The following SH2B2 variants were observed in gnomAD, a reference collection of about 807,000 sequenced individuals.
The protein encoded by SH2B2 is SH2B adapter protein 2.
SH2B2 carries 37 observed loss-of-function variants against 35.7 expected under a neutral mutation model. The ratio of observed to expected loss-of-function variants is 1.04; its 90% CI spans 0.80 to 1.36. The LOEUF (loss-of-function observed/expected upper bound fraction) is 1.36. Ranked by LOEUF, SH2B2 falls within the 40% of genes most tolerant of loss-of-function variation. The pLI is 0.00. For missense variants in SH2B2, 852 were observed against 817.7 expected (o/e 1.04, Z -0.51); for synonymous variants, 383 against 376.4 (o/e 1.02, Z -0.20).
intron 4 of SH2B2, 72 bp from the exon 5 acceptor site, chr7:102,314,264 G>C (rs1793731370): frequency 2.5e-6 from 1 of 398,452 alleles, no homozygotes. Flanking sequence ...CCACTGCCTG[G>C]CCACATAAGT....
chr7:102,294,553 A>C (rs1216960652), intron 1 of SH2B2, among the ~76,000 whole-genome samples: 6 of 152,064 alleles, frequency 3.9e-5, no homozygotes, highest in Non-Finnish European at 8.8e-5. Context: ...AGAGGTTGGG[A>C]GTGTGGTCAG....
intron 2 of SH2B2, among the ~76,000 whole-genome samples, chr7:102,302,681 TAC>T (rs1397665883): frequency 2.6e-5 from 4 of 152,188 alleles, no homozygotes; most frequent in African/African-American, 7.2e-5. Context: ...GTCCCCAGAT[TAC>T]AGAAGAGAGC....
chr7:102,318,257 G>C (rs1554557509), intron 7 of SH2B2, among the ~76,000 whole-genome samples: 1 of 152,118 alleles, frequency 6.6e-6, no homozygotes, highest in African/African-American at 2.4e-5. Flanking sequence ...TTGTGCCTCA[G>C]CCTCCCAAGT....
At chr7:102,303,871 G>C (rs35353447) in intron 2 of SH2B2, among the ~76,000 whole-genome samples, 1 of 150,326 alleles carries the variant, frequency 6.7e-6, no homozygotes, top group South Asian at 2.1e-4. Context: ...GCCCGCCCCC[G>C]CCCCACTCCA....
Position 102,321,402 on chromosome 7 carries a change from T to G in SH2B2, c.1671T>G (p.Pro557=), listed in dbSNP as rs1794073027. The part of the protein sequence containing the change: ...FSSLAAAACP[P]ASPSDAAGAS... ...GCCTCGCCGCGGCCGCCTGCCCGCCTGCCTCGCCCTCCGACGCCGCCGGCG... is the reference window on the plus strand; with the variant it reads ...GCCTCGCCGCGGCCGCCTGCCCGCCGGCCTCGCCCTCCGACGCCGCCGGCG... Residue 557 remains proline (P), a synonymous_variant, in exon 9 of 9, where the codon CCT becomes CCG. Transcript: ENST00000444095. The G allele has an allele frequency of 3.7e-6, 5 of 1,366,594 alleles. No individual in the cohort carries two copies. Among genetic ancestry groups the G allele is most frequent in the African/African-American group, 1.5e-5 (1 of 65,458 alleles). The allele number at this position is 1,366,594 out of a possible 1,614,324, so 84.7% of individuals were successfully genotyped here.
chr7:102,285,195 T>C (rs1366771892), upstream of SH2B2: 1 of 1,551,122 alleles, frequency 6.4e-7, no homozygotes, highest in Non-Finnish European at 8.7e-7. Context: ...TGGCTTCCCA[T>C]CTCAGGACCC....
intron 6 of SH2B2, among the ~76,000 whole-genome samples, chr7:102,314,972 T>A (rs1296355028): frequency 6.6e-6 from 1 of 151,844 alleles, no homozygotes; most frequent in Non-Finnish European, 1.5e-5. Context: ...GCGGATCACC[T>A]GAGGTCAGGA....
rs1290552626 is a variant in SH2B2, at chr7:102,301,204, G to A, written c.654G>A (p.Trp218Ter). The A allele has an allele frequency of 1.9e-6, 3 of 1,592,996 alleles. No individual in the cohort carries two copies. Among genetic ancestry groups the A allele is most frequent in the Non-Finnish European group, 2.6e-6 (3 of 1,171,518 alleles). The change falls in exon 2 of 9, where the codon TGG becomes TGA. Residue 218 changes from tryptophan (W) to a stop codon, truncating the protein, a stop_gained. Transcript: ENST00000444095. LOFTEE classifies it high-confidence loss of function. ...CGGGCTCCGGGGGCTCGGCTCAGTG[G>A]CAGAAGTGCCGCCTGCTCCTGCGCA... ...AAAGSGGSAQWQKCRLLLRRA... is the reference protein window; with the variant it reads ...AAAGSGGSAQ
At chr7:102,293,289 A>G (rs1586567065) in intron 1 of SH2B2, 1 of 123,996 alleles carries the variant, frequency 8.1e-6, no homozygotes, top group Middle Eastern at 3.9e-3. Context: ...TGCCGGCTGG[A>G]CCTACTGTCT....
At position 102,321,295 on chromosome 7, in the gene SH2B2, G is replaced by T. The variant is rs1554558424; in HGVS notation, c.1568-4G>T. The stretch of plus-strand genomic sequence containing the variant: ...ACTCACGCCCTGCCGTCGCCTTGTT[G>T]CAGAGCCGGGCCCCACGCCCCCTGC... On this transcript the variant is annotated splice_region_variant and splice_polypyrimidine_tract_variant and intron_variant, in intron 8 of 8. Transcript: ENST00000444095. 7.2e-7 allele frequency: 1 copy of T among 1,382,278 alleles called. No homozygotes were observed. The highest frequency in any genetic ancestry group is 9.3e-7 in the Non-Finnish European group (1 of 1,074,208). 85.6% of individuals were successfully genotyped at this position (1,382,278 alleles called of 1,614,324 possible). A position where few individuals can be genotyped will look rare whatever the true frequency, so the allele number is the denominator to read the frequency against.
chr7:102,314,962 G>T (rs1359814332), intron 6 of SH2B2, among the ~76,000 whole-genome samples: 1 of 152,164 alleles, frequency 6.6e-6, no homozygotes, highest in African/African-American at 2.4e-5. Flanking sequence ...GCCAAGGCGG[G>T]CGGATCACCT....
intron 6 of SH2B2, 140 bp from the exon 7 acceptor site, chr7:102,317,047 C>A: frequency 1.3e-6 from 1 of 749,448 alleles, no homozygotes; most frequent in South Asian, 2.4e-5. Flanking sequence ...AACTAAAAAC[C>A]AACCAACTTT....
intron 1 of SH2B2, among the ~76,000 whole-genome samples, chr7:102,299,372 T>A (rs564276071): frequency 6.6e-6 from 1 of 150,868 alleles, no homozygotes; most frequent in East Asian, 1.9e-4. Context: ...CTAATTTTTG[T>A]ATTTTTAGTA....
chr7:102,311,642 C>T (rs1052769284), intron 4 of SH2B2, among the ~76,000 whole-genome samples: 2 of 151,204 alleles, frequency 1.3e-5, no homozygotes, highest in African/African-American at 4.9e-5. Context: ...TTCAAGAGAC[C>T]CGCCTGCCTC....
chr7:102,288,567 C>T (rs1440400602), intron 1 of SH2B2, among the ~76,000 whole-genome samples: 1 of 152,104 alleles, frequency 6.6e-6, no homozygotes, highest in Non-Finnish European at 1.5e-5. Context: ...ATCCCTCTTC[C>T]CTACTTAGCG....
At chr7:102,306,918 C>A (rs1793424832) in intron 3 of SH2B2, 96 bp downstream of exon 3, 2 of 984,292 alleles carry the variant, frequency 2.0e-6, no homozygotes, top group Non-Finnish European at 1.6e-6. Context: ...GGGGAAGGAG[C>A]CTAAGGCAGG....
chr7:102,295,095 C>T (rs782191445), intron 1 of SH2B2, among the ~76,000 whole-genome samples: 16 of 152,194 alleles, frequency 1.1e-4, no homozygotes, highest in Non-Finnish European at 2.1e-4. Flanking sequence ...CCCTGTCCCC[C>T]ATCTCTGTGC....
Position 102,297,377 on chromosome 7 carries a change from G to A in SH2B2, c.-29-3145G>A, listed in dbSNP as rs1238566535. On this transcript the variant is annotated intron_variant, in intron 1 of 8. Coordinates refer to ENST00000444095, the MANE Select transcript of SH2B2 (RefSeq NM_001359228.2). The surrounding 1 kb of genome is among the most constrained non-coding windows in gnomAD (Gnocchi z 4.3). ...GAGTTCAAGACCAGCCTCATCAATAGAGTGAGATCCCATCTCTACACACAC... is the reference window on the plus strand; with the variant it reads ...GAGTTCAAGACCAGCCTCATCAATAAAGTGAGATCCCATCTCTACACACAC... 6.7e-6 allele frequency among the ~76,000 whole-genome samples: 1 copy of A among 149,540 alleles called. No individual in the cohort carries two copies. Among genetic ancestry groups the A allele is most frequent in the East Asian group, 2.0e-4 (1 of 5,088 alleles).
chr7:102,321,315 C>A lies in SH2B2; in HGVS notation c.1584C>A (p.Pro528=). 1 of 1,423,916 alleles carries A rather than the reference C, an allele frequency of 7.0e-7. No individual in the cohort carries two copies. Among genetic ancestry groups the A allele is most frequent in the South Asian group, 1.4e-5 (1 of 70,854 alleles). 88.2% of individuals were successfully genotyped at this position (1,423,916 alleles called of 1,614,324 possible). Reference sequence around the variant, plus strand: ...TTGTTGCAGAGCCGGGCCCCACGCCCCCTGCCGCGCCCGCGTCCCCGGCCT... The same window carrying A: ...TTGTTGCAGAGCCGGGCCCCACGCCACCTGCCGCGCCCGCGTCCCCGGCCT... ...QDPPPEPGPT[P]PAAPASPACW... The change falls in exon 9 of 9, where the codon CCC becomes CCA. Residue 528 remains proline (P), a synonymous_variant. Coordinates refer to ENST00000444095, the MANE Select transcript of SH2B2 (RefSeq NM_001359228.2).
Sources: gnomAD v4.1 joint callset for allele counts (sites outside exome capture counted in the v4.1 genomes callset) on GRCh38, gnomAD v4.1.1 for gene constraint, Gnocchi (gnomAD v3.1) non-coding constraint, MANE v1.5 for transcripts, NCBI Gene and HGNC (gene_info 2026-07-23, HGNC 2026-07-21) for gene names.